Variants in STON1 observed in about 807,000 individuals in gnomAD.
STON1 encodes the protein stonin-1.
STON1 carries 79 observed loss-of-function variants against 60.9 expected under a neutral mutation model. The ratio of observed to expected loss-of-function variants is 1.30; its 90% confidence interval spans 1.08 to 1.56. STON1 has a LOEUF of 1.56. Among genes scored for constraint, STON1 ranks in the 40% most tolerant of loss-of-function variants. STON1 has a pLI of 0.00. For missense variants in STON1, 1,166 were observed against 858.9 expected (o/e 1.36, Z -4.47); for synonymous variants, 363 against 306.9 (o/e 1.18, Z -1.91).
At chr2:48,587,587 G>A (rs922050451) in intron 2 of STON1, among the ~76,000 whole-genome samples, 6 of 152,086 alleles carry the variant, frequency 3.9e-5, no homozygotes, top group Admixed American at 1.3e-4. Context: ...CACTGCGTCC[G>A]GCCTCCCATG....
chr2:48,583,503 T>C (rs1294660696), intron 2 of STON1, among the ~76,000 whole-genome samples: 1 of 152,220 alleles, frequency 6.6e-6, no homozygotes, highest in Non-Finnish European at 1.5e-5. Flanking sequence ...AAGACAGTTA[T>C]AGTACCACAT....
intron 1 of STON1, among the ~76,000 whole-genome samples, chr2:48,577,649 C>T (rs1157368034): frequency 6.6e-6 from 1 of 151,542 alleles, no homozygotes; most frequent in Non-Finnish European, 1.5e-5. Flanking sequence ...GAGATTCACT[C>T]TTGTTGCCCA....
intron 2 of STON1, among the ~76,000 whole-genome samples, chr2:48,586,185 T>A (rs1370450821): frequency 6.6e-6 from 1 of 152,256 alleles, no homozygotes; most frequent in Non-Finnish European, 1.5e-5. Context: ...GTGAAAATGA[T>A]CCTGTTTATA....
chr2:48,565,627 G>T (rs1672910742), intron 1 of STON1, among the ~76,000 whole-genome samples: 4 of 152,178 alleles, frequency 2.6e-5, no homozygotes. Context: ...CACAGTTCTA[G>T]AAAAAGATTC....
chr2:48,587,333 C>G (rs1253041510), intron 2 of STON1, among the ~76,000 whole-genome samples: 1 of 152,108 alleles, frequency 6.6e-6, no homozygotes, highest in Non-Finnish European at 1.5e-5. Context: ...CGCTCTGCCA[C>G]CCAGGCTGGA....
At chr2:48,564,877 C>T (rs531925880) in intron 1 of STON1, among the ~76,000 whole-genome samples, 14 of 148,678 alleles carry the variant, frequency 9.4e-5, no homozygotes, top group East Asian at 2.0e-4. Context: ...GAATTACAGG[C>T]GTGCACCACC....
intron 1 of STON1, among the ~76,000 whole-genome samples, chr2:48,552,496 C>T (rs1279852168): frequency 6.6e-6 from 1 of 152,150 alleles, no homozygotes; most frequent in African/African-American, 2.4e-5. Context: ...GGTGTGGTGG[C>T]TCATGCCTGT....
chr2:48,573,590 C>T (rs1451869079), intron 1 of STON1, among the ~76,000 whole-genome samples: 1 of 152,148 alleles, frequency 6.6e-6, no homozygotes, highest in Admixed American at 6.5e-5. Flanking sequence ...CACTTCACTG[C>T]CTCTGGTGTC....
At chr2:48,564,154 T>C (rs1243163402) in intron 1 of STON1, among the ~76,000 whole-genome samples, 2 of 152,300 alleles carry the variant, frequency 1.3e-5, no homozygotes, top group Admixed American at 1.3e-4. Context: ...CACAAACCTA[T>C]TAAGTTTTCT....
In STON1 at chr2:48,591,796, G is replaced by C. The variant is rs750138164; in HGVS notation, c.2074G>C (p.Val692Leu). The change falls in exon 3 of 4, where the codon GTG becomes CTG. Residue 692 changes from valine (V) to leucine (L), a missense_variant. By Grantham distance (32) the Val-to-Leu change is conservative (BLOSUM62 1). Transcript: ENST00000404752. ...ASRTEVRSLGVESDVQPQKHV... is the reference protein window; with the variant it reads ...ASRTEVRSLGLESDVQPQKHV... ...AAGGACAGAGGTCAGGTCTCTGGGA[G>C]TGGAGAGTGATGTCCAGCCACAGAA... The C allele has an allele frequency of 1.9e-6, 3 of 1,614,202 alleles. No homozygotes were observed. Among genetic ancestry groups the C allele is most frequent in the Non-Finnish European group, 2.5e-6 (3 of 1,180,034 alleles).
rs11475306 is a variant in STON1, at chr2:48,554,707, ATTT to A, written c.-48+24507_-48+24509del. Among the ~76,000 whole-genome samples the A allele has an allele frequency of 3.4e-5, 3 of 88,800 alleles. 1 individual carries two copies. Among genetic ancestry groups the A allele is most frequent in the Non-Finnish European group, 6.8e-5 (3 of 44,050 alleles). The allele number at this position is 88,800 out of a possible 152,430, so 58.3% of individuals were successfully genotyped here. A position where few individuals can be genotyped will look rare whatever the true frequency, so the allele number is the denominator to read the frequency against. ...TTTCTACTCAAACTTTAAGTGCAAA[ATTT>A]TTTTTTTTTTTTTTTATTTATTTAT... On this transcript the variant is annotated intron_variant, in intron 1 of 3. Transcript: ENST00000404752.
chr2:48,565,346 C>G (rs533515022), intron 1 of STON1, among the ~76,000 whole-genome samples: 1 of 152,148 alleles, frequency 6.6e-6, no homozygotes, highest in Non-Finnish European at 1.5e-5. Context: ...GCCACCGCGC[C>G]CAGCCTCCGA....
chr2:48,590,253 G>T (rs1674434778), intron 2 of STON1, among the ~76,000 whole-genome samples: 1 of 152,180 alleles, frequency 6.6e-6, no homozygotes, highest in African/African-American at 2.4e-5. Flanking sequence ...CCTGTAAGTG[G>T]TAGAGATGGC....
chr2:48,561,699 C>T lies in STON1; in HGVS notation c.-47-18888C>T, dbSNP rs560994764. ...CAGTTGTGACAATGAAAAATGTCTC[C>T]GGACACTGCCAAATGTTTCCTGGGG... On this transcript the variant is annotated intron_variant, in intron 1 of 3. Coordinates refer to ENST00000404752, the MANE Select transcript of STON1 (RefSeq NM_006873.4). Among the ~76,000 whole-genome samples, 24 of 152,244 alleles carry T rather than the reference C, an allele frequency of 1.6e-4. No individual in the cohort carries two copies. In the South Asian group the frequency reaches 2.3e-3, roughly 14 times the overall value.
At chr2:48,586,345 C>G (rs563988713) in intron 2 of STON1, among the ~76,000 whole-genome samples, 1 of 152,270 alleles carries the variant, frequency 6.6e-6, no homozygotes, top group East Asian at 1.9e-4. Context: ...GAGATACAGA[C>G]ACAAACATGA....
At chr2:48,588,149 A>T (rs1674318052) in intron 2 of STON1, among the ~76,000 whole-genome samples, 2 of 152,166 alleles carry the variant, frequency 1.3e-5, no homozygotes, top group South Asian at 4.1e-4. Flanking sequence ...AGCAAGTGGG[A>T]TCTGGAATAC....
chr2:48,581,495 A>G lies in STON1; in HGVS notation c.862A>G (p.Met288Val), dbSNP rs1297772656. 1.9e-6 allele frequency: 3 copies of G among 1,614,134 alleles called. No homozygotes were observed. Among genetic ancestry groups the G allele is most frequent in the African/African-American group, 1.3e-5 (1 of 74,944 alleles). Residue 288 changes from methionine to valine, a missense_variant, in exon 2 of 4, where the codon ATG becomes GTG. Coordinates refer to ENST00000404752, the MANE Select transcript of STON1 (RefSeq NM_006873.4). ...FMLRIPEKKN[M>V]MSSRQWGPIF... ...GCTGAGAATTCCTGAGAAGAAGAAT[A>G]TGATGTCTTCCCGGCAATGGGGACC...
At chr2:48,587,259 A>G (rs534631536) in intron 2 of STON1, among the ~76,000 whole-genome samples, 1 of 152,048 alleles carries the variant, frequency 6.6e-6, no homozygotes, top group East Asian at 1.9e-4. Context: ...TGTCTTCCAG[A>G]CCTCTGTTAT....
chr2:48,539,604 C>T (rs1018531869), intron 1 of STON1, among the ~76,000 whole-genome samples: 1 of 151,896 alleles, frequency 6.6e-6, no homozygotes, highest in Non-Finnish European at 1.5e-5. Flanking sequence ...TGGGTTCAAG[C>T]GATCTTCCTG....
Sources: gnomAD v4.1 joint callset for allele counts (sites outside exome capture counted in the v4.1 genomes callset) on GRCh38, gnomAD v4.1.1 for gene constraint, MANE v1.5 for transcripts, NCBI Gene and HGNC (gene_info 2026-07-23, HGNC 2026-07-21) for gene names.